S100A7: variants seen among roughly 807,000 people sequenced by gnomAD.
S100A7 encodes protein S100-A7.
A neutral mutation model predicts 3.8 loss-of-function variants in S100A7; 2 were observed. That is an observed-to-expected ratio of 0.53 (90% CI 0.22 to 1.67). The LOEUF (loss-of-function observed/expected upper bound fraction) is 1.67. Among genes scored for constraint, S100A7 ranks in the 40% most tolerant of loss-of-function variants. S100A7 has a pLI of 0.20. For synonymous variants in S100A7, 55 were observed against 45.9 expected (o/e 1.20, Z -0.80); for missense variants, 130 against 126.3 (o/e 1.03, Z -0.14).
intron 1 of S100A7, 127 bp from the exon 2 acceptor site, chr1:153,459,157 T>G: frequency 8.5e-7 from 1 of 1,173,136 alleles, no homozygotes; most frequent in Non-Finnish European, 1.2e-6. Flanking sequence ...GAACTCAATT[T>G]TTTTTTAATG....
chr1:153,458,023 G>C, intron 2 of S100A7, 53 bp from the exon 3 acceptor site: 1 of 1,591,872 alleles, frequency 6.3e-7, no homozygotes, highest in Non-Finnish European at 8.6e-7. Context: ...AACAAGTTTT[G>C]GGCTGGGAGG....
chr1:153,458,791 T>A (rs1381419267), intron 2 of S100A7, 82 bp downstream of exon 2: 16 of 1,511,756 alleles, frequency 1.1e-5, no homozygotes, highest in Non-Finnish European at 1.4e-5. Flanking sequence ...GGAAATTTTT[T>A]AATCAGAGGG....
chr1:153,460,498 A>G (rs1265303481), intron 1 of S100A7, 110 bp downstream of exon 1: 2 of 647,274 alleles, frequency 3.1e-6, no homozygotes, highest in Non-Finnish European at 5.7e-6. Flanking sequence ...GAGCTGGCCT[A>G]GACCCAGGCT....
Position 153,460,102 on chromosome 1 carries a change from G to C in S100A7, c.-18+506C>G, listed in dbSNP as rs117539358. ...CCAGAGGGTGACTGACAATTTGCAG[G>C]TTGTGGTAGGGAGTGACGGAGCGTT... On this transcript the variant is annotated intron_variant, in intron 1 of 2. Coordinates refer to ENST00000368723, the MANE Select transcript of S100A7 (RefSeq NM_002963.4). Among the ~76,000 whole-genome samples the C allele has an allele frequency of 3.3e-5, 5 of 152,372 alleles. No homozygotes were observed. In the East Asian group the frequency reaches 9.6e-4, roughly 29 times the overall value.
chr1:153,459,154 A>T, intron 1 of S100A7, 124 bp from the exon 2 acceptor site: 1 of 1,156,410 alleles, frequency 8.6e-7, no homozygotes, highest in Non-Finnish European at 1.2e-6. Flanking sequence ...AACGAACTCA[A>T]TTTTTTTTTA....
Position 153,459,692 on chromosome 1 carries a change from ACT to A in S100A7, c.-17-664_-17-663del, listed in dbSNP as rs990726034. On this transcript the variant is annotated intron_variant, in intron 1 of 2. Coordinates refer to ENST00000368723, the MANE Select transcript of S100A7 (RefSeq NM_002963.4). ...GCCTCTGTTACAAGGAACAGAAATAACTCTCTGGTTCTTAAGCTGCTGGACGG... is the reference window on the plus strand; with the variant it reads ...GCCTCTGTTACAAGGAACAGAAATAACTCTGGTTCTTAAGCTGCTGGACGG... 3.3e-5 allele frequency: 5 copies of A among 151,978 alleles called. No individual in the cohort carries two copies. In the East Asian group the frequency reaches 7.8e-4, roughly 24 times the overall value. The allele number at this position is 151,978 out of a possible 1,614,324, so 9.4% of individuals were successfully genotyped here.
At position 153,457,776 on chromosome 1, in the gene S100A7, G is replaced by T. The variant is rs1261387750; in HGVS notation, c.*30C>A. 3 of 1,610,362 alleles carry T rather than the reference G, an allele frequency of 1.9e-6. No homozygotes were observed. The South Asian group carries it at 3.3e-5, about 18-fold the overall frequency. The stretch of plus-strand genomic sequence containing the variant: ...GGAGAAGACATTTTATTGTTCCTGG[G>T]GTCTCTGGAGGCCCATTGGTGGGGC... On this transcript the variant is annotated 3_prime_UTR_variant, in exon 3 of 3. Transcript: ENST00000368723.
intron 2 of S100A7, among the ~76,000 whole-genome samples, chr1:153,458,449 T>TA (rs1663740564): frequency 6.6e-6 from 1 of 151,936 alleles, no homozygotes; most frequent in African/African-American, 2.4e-5. Flanking sequence ...TAGCCCACAG[T>TA]TTTTTTTCAG....
intron 1 of S100A7, among the ~76,000 whole-genome samples, chr1:153,460,290 C>T (rs924912455): frequency 2.0e-5 from 3 of 152,150 alleles, no homozygotes; most frequent in Non-Finnish European, 2.9e-5. Context: ...ATTTAGCAAC[C>T]GGGACCCCAA....
In S100A7 at chr1:153,458,998, C is replaced by G; in HGVS notation, c.16G>C (p.Ala6Pro). The G allele has an allele frequency of 6.2e-7, 1 of 1,613,284 alleles. No individual in the cohort carries two copies. The highest frequency in any genetic ancestry group is 8.5e-7 in the Non-Finnish European group (1 of 1,179,786). The change falls in exon 2 of 3, where the codon GCT becomes CCT. Residue 6 changes from alanine to proline, a missense_variant. Coordinates refer to ENST00000368723, the MANE Select transcript of S100A7 (RefSeq NM_002963.4). The stretch of plus-strand genomic sequence containing the variant: ...ATCATGCCTATTATGGACCTCTCAG[C>G]TTGAGTGTTGCTCATCTTTGCTTTC... MSNTQ[A>P]ERSIIGMIDM...
chr1:153,459,519 T>G (rs1165789237), intron 1 of S100A7, among the ~76,000 whole-genome samples: 1 of 152,172 alleles, frequency 6.6e-6, no homozygotes, highest in African/African-American at 2.4e-5. Flanking sequence ...GGCCCCACCT[T>G]GACTCAAGTG....
At chr1:153,460,066 A>T (rs565571499) in intron 1 of S100A7, among the ~76,000 whole-genome samples, 1 of 152,378 alleles carries the variant, frequency 6.6e-6, no homozygotes, top group Non-Finnish European at 1.5e-5. Context: ...GCCAGAGGGC[A>T]AGCCCTGTGC....
At chr1:153,459,133 A>C (rs1663759910) in intron 1 of S100A7, 103 bp from the exon 2 acceptor site, 5 of 1,392,904 alleles carry the variant, frequency 3.6e-6, no homozygotes, top group Non-Finnish European at 4.9e-6. Flanking sequence ...AACACGGATA[A>C]GGTGTAGCAG....
chr1:153,458,216 TGTTAAGTGAC>T (rs1663734953), intron 2 of S100A7, among the ~76,000 whole-genome samples: 1 of 152,126 alleles, frequency 6.6e-6, no homozygotes, highest in Admixed American at 6.5e-5. Flanking sequence ...CAAGGTGCTC[TGTTAAGTGAC>T]CTTGGGGAGA....
intron 2 of S100A7, among the ~76,000 whole-genome samples, chr1:153,458,357 C>T (rs1663738336): frequency 6.6e-6 from 1 of 152,130 alleles, no homozygotes; most frequent in Non-Finnish European, 1.5e-5. Context: ...TTTCTCTGGC[C>T]TCCTCTCCTT....
chr1:153,458,634 A>G (rs1663744024), intron 2 of S100A7, among the ~76,000 whole-genome samples: 1 of 152,030 alleles, frequency 6.6e-6, no homozygotes, highest in Non-Finnish European at 1.5e-5. Context: ...CTGGGAGGGG[A>G]CTGTGCACTG....
intron 1 of S100A7, among the ~76,000 whole-genome samples, chr1:153,459,335 A>G (rs1399011207): frequency 6.6e-6 from 1 of 152,166 alleles, no homozygotes; most frequent in Non-Finnish European, 1.5e-5. Flanking sequence ...ACATGGAAGA[A>G]CTAAGCTGGG....
chr1:153,460,458 A>G, intron 1 of S100A7, 150 bp downstream of exon 1: 1 of 576,558 alleles, frequency 1.7e-6, no homozygotes. Flanking sequence ...TTTGGGGTCA[A>G]GTGAAGGTCA....
intron 1 of S100A7, chr1:153,459,794 A>ACC (rs1394667343): frequency 6.6e-6 from 1 of 151,952 alleles, no homozygotes; most frequent in Non-Finnish European, 1.5e-5. Context: ...CCAAGCCTTG[A>ACC]CTGTTTAAAT....
Sources: gnomAD v4.1 joint callset for allele counts (sites outside exome capture counted in the v4.1 genomes callset) on GRCh38, gnomAD v4.1.1 for gene constraint, MANE v1.5 for transcripts, NCBI Gene and HGNC (gene_info 2026-07-23, HGNC 2026-07-21) for gene names.